The following SLC22A2 variants were observed in gnomAD, a reference collection of about 807,000 sequenced individuals.
The protein encoded by SLC22A2 is organic cation transporter 2.
SLC22A2 carries 46 observed loss-of-function variants against 60.5 expected under a neutral mutation model. That is an observed-to-expected ratio of 0.76 (90% confidence interval 0.60 to 0.97). SLC22A2 has a LOEUF of 0.97. Among genes scored for constraint, SLC22A2 ranks in the 50% least tolerant of loss-of-function variants. The pLI, the probability that SLC22A2 is intolerant of heterozygous loss-of-function variation, is 0.00. For synonymous variants in SLC22A2, 303 were observed against 267.0 expected (o/e 1.13, Z -1.31); for missense variants, 701 against 706.6 (o/e 0.99, Z 0.09).
At chr6:160,258,191 T>C (rs1347782808) in intron 1 of SLC22A2, among the ~76,000 whole-genome samples, 153 bp downstream of exon 1, 1 of 152,264 alleles carries the variant, frequency 6.6e-6, no homozygotes, top group African/African-American at 2.4e-5. Flanking sequence ...AGAAGCTGCA[T>C]GTTCTCATTT....
intron 6 of SLC22A2, chr6:160,244,038 T>C (rs780073893): frequency 7.3e-5 from 31 of 424,674 alleles, no homozygotes; most frequent in Non-Finnish European, 1.2e-4. Context: ...CGATAATGTT[T>C]CCTGGACAAA....
rs763826410 is a variant in SLC22A2, at chr6:160,247,194, G to A, written c.947C>T (p.Ala316Val). 3 of 1,594,402 alleles carry A rather than the reference G, an allele frequency of 1.9e-6. No individual in the cohort carries two copies. The South Asian group carries it at 3.3e-5, about 18-fold the overall frequency. The change falls in exon 5 of 11, where the codon GCC becomes GTC. Residue 316 changes from alanine (A) to valine (V), a missense_variant. Physicochemically the swap from Ala to Val is moderately conservative, Grantham distance 64. Transcript: ENST00000366953. ...AAGGCCCTGGCTCACCTGAAGGGAG[G>A]CGGGTAGAGATTTTCCATTTTTCTT... Reference protein sequence around the residue: ...IAKKNGKSLPASLQRLRLEEE... With the variant: ...IAKKNGKSLPVSLQRLRLEEE...
chr6:160,249,485 A>C, intron 3 of SLC22A2, 101 bp from the exon 4 acceptor site: 2 of 831,988 alleles, frequency 2.4e-6, no homozygotes, highest in Non-Finnish European at 4.0e-6. Context: ...ATATAGACAA[A>C]TTCTAGAATA....
chr6:160,243,690 T>C lies in SLC22A2; in HGVS notation c.1161A>G (p.Glu387=). 1.2e-6 allele frequency: 2 copies of C among 1,614,008 alleles called. No individual in the cohort carries two copies. Among genetic ancestry groups the C allele is most frequent in the Non-Finnish European group, 1.7e-6 (2 of 1,179,966 alleles). ...YLDFFYSALV[E]FPAAFMIILT... is the part of the protein sequence containing the mutation. Reference sequence around the variant, plus strand: ...GGATGATCATGAAGGCAGCTGGGAATTCAACCAGGGCAGAGTAGAAGAAAT... The same window carrying C: ...GGATGATCATGAAGGCAGCTGGGAACTCAACCAGGGCAGAGTAGAAGAAAT... Residue 387 remains glutamate (E), a synonymous_variant, in exon 7 of 11, where the codon GAA becomes GAG. Transcript: ENST00000366953.
In SLC22A2 at chr6:160,224,725, C is replaced by T; in HGVS notation, c.1581G>A (p.Glu527=). 3 of 1,604,622 alleles carry T rather than the reference C, an allele frequency of 1.9e-6. No individual in the cohort carries two copies. Among genetic ancestry groups the T allele is most frequent in the Non-Finnish European group, 2.6e-6 (3 of 1,174,846 alleles). Residue 527 remains glutamate, a synonymous_variant, in exon 10 of 11, where the codon GAG becomes GAA. Transcript: ENST00000366953. ...TKGKALPETI[E]EAENMQRPRK... ...CCTACCTTTGCATATTTTCGGCTTC[C>T]TCGATGGTCTCAGGCAAAGCTTTCC...
intron 9 of SLC22A2, among the ~76,000 whole-genome samples, chr6:160,237,994 T>A (rs1782937719): frequency 6.6e-6 from 1 of 152,142 alleles, no homozygotes; most frequent in African/African-American, 2.4e-5. Context: ...GGGGAACTCA[T>A]AAATAATCTA....
At chr6:160,255,589 T>C (rs912619116) in intron 2 of SLC22A2, among the ~76,000 whole-genome samples, 1 of 152,060 alleles carries the variant, frequency 6.6e-6, no homozygotes, top group Non-Finnish European at 1.5e-5. Flanking sequence ...TATATATTTA[T>C]ATCTAGATAA....
At position 160,242,412 on chromosome 6, in the gene SLC22A2, A is replaced by G; in HGVS notation, c.1280-10T>C. 7.2e-7 allele frequency: 1 copy of G among 1,394,472 alleles called. No individual in the cohort carries two copies. The highest frequency in any genetic ancestry group is 1.0e-6 in the Non-Finnish European group (1 of 979,590). The allele number at this position is 1,394,472 out of a possible 1,614,324, so 86.4% of individuals were successfully genotyped here. On this transcript the variant is annotated splice_polypyrimidine_tract_variant and intron_variant, in intron 7 of 10. Coordinates refer to ENST00000366953, the MANE Select transcript of SLC22A2 (RefSeq NM_003058.4). The stretch of plus-strand genomic sequence containing the variant: ...TTTAGCCATTGTAGATCTAAGAGGG[A>G]AAAGAACAGTACTTATCCGTACACA...
chr6:160,239,439 A>G (rs771919615), intron 9 of SLC22A2, among the ~76,000 whole-genome samples: 3 of 152,086 alleles, frequency 2.0e-5, no homozygotes, highest in African/African-American at 4.8e-5. Flanking sequence ...CTTTTACTCT[A>G]TGGATTGACC....
chr6:160,217,748 T>C, intron 10 of SLC22A2: 1 of 364,408 alleles, frequency 2.7e-6, no homozygotes, highest in East Asian at 5.1e-5. Context: ...GTTCCTTTTT[T>C]AGGGTGTTCA....
Position 160,246,467 on chromosome 6 carries a change from C to T in SLC22A2, c.957+717G>A, listed in dbSNP as rs563560445. On this transcript the variant is annotated intron_variant, in intron 5 of 10. Coordinates refer to ENST00000366953, the MANE Select transcript of SLC22A2 (RefSeq NM_003058.4). ...AGGGGATTGCTTAAAAGCTTTTCAG[C>T]CTGGTGCGGTGGCTCATGCCTGTAA... is the stretch of plus-strand genomic sequence containing the variant. Among the ~76,000 whole-genome samples, 10 of 152,192 alleles carry T rather than the reference C, an allele frequency of 6.6e-5. No homozygotes were observed. In the East Asian group the frequency reaches 1.6e-3, roughly 24 times the overall value.
chr6:160,248,274 C>T (rs1332401902), intron 4 of SLC22A2, among the ~76,000 whole-genome samples: 1 of 152,186 alleles, frequency 6.6e-6, no homozygotes, highest in Non-Finnish European at 1.5e-5. Context: ...TGAGGGCCCA[C>T]AAGTGGGATG....
intron 9 of SLC22A2, among the ~76,000 whole-genome samples, chr6:160,232,851 A>C (rs1302491635): frequency 6.6e-6 from 1 of 151,744 alleles, no homozygotes; most frequent in Non-Finnish European, 1.5e-5. Context: ...CCCCACTGAA[A>C]CTTCCACATA....
At chr6:160,240,802 G>A (rs1782985670) in intron 9 of SLC22A2, among the ~76,000 whole-genome samples, 1 of 152,136 alleles carries the variant, frequency 6.6e-6, no homozygotes, top group African/African-American at 2.4e-5. Context: ...CAGAATGGGT[G>A]TCAAAGGAGC....
chr6:160,239,573 G>C (rs1331217965), intron 9 of SLC22A2, among the ~76,000 whole-genome samples: 1 of 152,154 alleles, frequency 6.6e-6, no homozygotes, highest in African/African-American at 2.4e-5. Flanking sequence ...GTCACCCACT[G>C]TCCACCTAAG....
At chr6:160,221,311 C>A (rs1008290264) in intron 10 of SLC22A2, among the ~76,000 whole-genome samples, 5 of 152,216 alleles carry the variant, frequency 3.3e-5, no homozygotes, top group African/African-American at 4.8e-5. Flanking sequence ...CCTGTCTCAG[C>A]CTTCATATAA....
chr6:160,246,112 C>T (rs791577), intron 5 of SLC22A2, among the ~76,000 whole-genome samples: 104,531 of 151,592 alleles, frequency 0.69, 38,214 homozygotes, highest in Admixed American at 0.81. Flanking sequence ...GTGATCTGCC[C>T]GCCTCGGCTT....
At chr6:160,250,939 G>T (rs559057655) in intron 2 of SLC22A2, among the ~76,000 whole-genome samples, 48 of 152,182 alleles carry the variant, frequency 3.2e-4, no homozygotes, top group Middle Eastern at 3.4e-3. Flanking sequence ...TTCACCCCAG[G>T]GTTCAAGTAC....
In SLC22A2 at chr6:160,217,470, A is replaced by C. The variant is rs139857881; in HGVS notation, c.1630T>G (p.Tyr544Asp). 7.2e-5 allele frequency: 115 copies of C among 1,600,788 alleles called. 1 individual carries two copies. In the African/African-American group the frequency reaches 1.0e-3, roughly 14 times the overall value. ...ATGTCTAGTTTCTGAACTTGGAGGT[A>C]AATCATCTTTTCTTTATTTTTTCTT... ...RPRKNKEKMI[Y>D]LQVQKLDIPL... Residue 544 changes from tyrosine to aspartate, a missense_variant, in exon 11 of 11, where the codon TAC becomes GAC. Transcript: ENST00000366953.
Sources: gnomAD v4.1 joint callset for allele counts (sites outside exome capture counted in the v4.1 genomes callset) on GRCh38, gnomAD v4.1.1 for gene constraint, MANE v1.5 for transcripts, NCBI Gene and HGNC (gene_info 2026-07-23, HGNC 2026-07-21) for gene names.